SP140L: variants seen among roughly 807,000 people sequenced by gnomAD.
SP140L encodes the protein SP140 like nuclear body protein.
In SP140L, 64 loss-of-function variants were observed where a neutral mutation model predicts 84.3. That is an observed-to-expected ratio of 0.76 (90% confidence interval 0.62 to 0.94). SP140L has a LOEUF of 0.94. Among genes scored for constraint, SP140L ranks in the 40% least tolerant of loss-of-function variants. SP140L has a pLI of 0.00. For missense variants in SP140L, 628 were observed against 692.5 expected (o/e 0.91, Z 1.05); for synonymous variants, 242 against 236.9 (o/e 1.02, Z -0.20).
At chr2:230,397,121 G>A (rs1299845276) in intron 14 of SP140L, among the ~76,000 whole-genome samples, 1 of 152,214 alleles carries the variant, frequency 6.6e-6, no homozygotes, top group Admixed American at 6.5e-5. Flanking sequence ...TAATGGATAG[G>A]GCTGGCCTGG....
chr2:230,394,862 G>T (rs2061978983), intron 13 of SP140L, among the ~76,000 whole-genome samples: 1 of 152,194 alleles, frequency 6.6e-6, no homozygotes, highest in Admixed American at 6.5e-5. Flanking sequence ...ACATGATAAT[G>T]TCTCTGCTCA....
chr2:230,337,634 C>T (rs909530585), intron 2 of SP140L, among the ~76,000 whole-genome samples: 2 of 152,160 alleles, frequency 1.3e-5, no homozygotes, highest in African/African-American at 2.4e-5. Flanking sequence ...TTAGGTCTAA[C>T]ATGTAAGTCT....
At chr2:230,393,880 T>A (rs1295621788) in intron 13 of SP140L, among the ~76,000 whole-genome samples, 4 of 152,226 alleles carry the variant, frequency 2.6e-5, no homozygotes, top group Non-Finnish European at 5.9e-5. Flanking sequence ...TTTTGTGAAA[T>A]TGATAGAGCA....
Position 230,361,659 on chromosome 2 carries a change from G to A in SP140L, c.485G>A (p.Arg162Lys), listed in dbSNP as rs867391359. The change falls in exon 5 of 19, where the codon AGG becomes AAG. Residue 162 changes from arginine to lysine, a missense_variant. Coordinates refer to ENST00000415673, the MANE Select transcript of SP140L (RefSeq NM_138402.6). ...TTCCAAGAAAGTGATCGAAAAGAAA[G>A]GGAAGAGAGGCCTGACATCAAACTA... ...LSFQESDRKE[R>K]EERPDIKLSL... The A allele has an allele frequency of 1.3e-6, 2 of 1,563,370 alleles. No individual in the cohort carries two copies. The highest frequency in any genetic ancestry group is 1.7e-6 in the Non-Finnish European group (2 of 1,152,738).
At chr2:230,396,999 T>A (rs2062080782) in intron 14 of SP140L, among the ~76,000 whole-genome samples, 1 of 152,322 alleles carries the variant, frequency 6.6e-6, no homozygotes, top group Admixed American at 6.5e-5. Context: ...ACTCTTTCCA[T>A]CTGTTTCAGT....
chr2:230,372,154 C>T, intron 7 of SP140L: 1 of 157,602 alleles, frequency 6.3e-6, no homozygotes, highest in Non-Finnish European at 1.4e-5. Flanking sequence ...CCGTGTCACA[C>T]TTCTCACTGA....
intron 8 of SP140L, 34 bp downstream of exon 8, chr2:230,383,609 G>A (rs55793821): frequency 6.3e-7 from 1 of 1,579,004 alleles, no homozygotes. Flanking sequence ...TACAGCTTTT[G>A]AGTTTATTAA....
chr2:230,397,080 C>T (rs2062084542), intron 14 of SP140L, among the ~76,000 whole-genome samples: 2 of 152,186 alleles, frequency 1.3e-5, no homozygotes, highest in Admixed American at 1.3e-4. Context: ...CTCTAGACCA[C>T]TGAGGTCTCT....
At chr2:230,393,380 G>T in intron 12 of SP140L, 34 bp from the exon 13 acceptor site, 1 of 1,565,348 alleles carries the variant, frequency 6.4e-7, no homozygotes. Flanking sequence ...AGAAACGCAG[G>T]CTGACTATGT....
chr2:230,385,003 G>C (rs1374684431), intron 8 of SP140L, among the ~76,000 whole-genome samples: 1 of 152,202 alleles, frequency 6.6e-6, no homozygotes, highest in African/African-American at 2.4e-5. Flanking sequence ...TTTCATTTAA[G>C]TCTGTGTGTA....
chr2:230,333,877 C>T (rs962938171), intron 2 of SP140L, among the ~76,000 whole-genome samples: 1 of 151,902 alleles, frequency 6.6e-6, no homozygotes, highest in African/African-American at 2.4e-5. Flanking sequence ...TTTTTAATTT[C>T]CAAAAGCCCT....
At chr2:230,357,577 C>G (rs2060585425) in intron 2 of SP140L, among the ~76,000 whole-genome samples, 2 of 152,158 alleles carry the variant, frequency 1.3e-5, no homozygotes, top group Admixed American at 1.3e-4. Context: ...TCAGTTTAGA[C>G]TGGGCTTTTT....
chr2:230,370,928 G>T lies in SP140L; in HGVS notation c.544G>T (p.Glu182Ter), dbSNP rs202033634. 1 of 1,613,756 alleles carries T rather than the reference G, an allele frequency of 6.2e-7. No homozygotes were observed. Among genetic ancestry groups the T allele is most frequent in the Non-Finnish European group, 8.5e-7 (1 of 1,179,782 alleles). ...CTCAGGAGAAGTGCCAGAAAGCCCG[G>T]AAGCAAGGAAGGAAAGTGACCAAGC... is the stretch of plus-strand genomic sequence containing the variant. ...LKQGEVPESP[E>*]ARKESDQACG... Residue 182 changes from glutamate (E) to a stop codon, truncating the protein, a stop_gained, in exon 6 of 19, where the codon GAA becomes TAA. Coordinates refer to ENST00000415673, the MANE Select transcript of SP140L (RefSeq NM_138402.6). LOFTEE classifies it high-confidence loss of function.
rs2059923852 is a variant in SP140L at position 230,337,868 on chromosome 2, A to G, written c.107+9037A>G. On this transcript the variant is annotated intron_variant, in intron 2 of 18. Coordinates refer to ENST00000415673, the MANE Select transcript of SP140L (RefSeq NM_138402.6). ...CGTTGATCTATATCTCCGTTTTGGT[A>G]CCAGTACCATGCTGTTTTGGTTACT... Among the ~76,000 whole-genome samples, 3 of 152,080 alleles carry G rather than the reference A, an allele frequency of 2.0e-5. No individual in the cohort carries two copies. The South Asian group carries it at 6.2e-4, about 32-fold the overall frequency.
At chr2:230,400,602 C>T (rs1024499034) in intron 15 of SP140L, 8 of 494,176 alleles carry the variant, frequency 1.6e-5, no homozygotes, top group African/African-American at 7.8e-5. Flanking sequence ...ACAGGAAGCA[C>T]GGTCTTAGGC....
chr2:230,399,852 A>G, intron 14 of SP140L: 1 of 311,096 alleles, frequency 3.2e-6, no homozygotes, highest in Non-Finnish European at 6.1e-6. Flanking sequence ...CTATAAGATC[A>G]TCCTCTTGCT....
intron 2 of SP140L, among the ~76,000 whole-genome samples, chr2:230,351,187 T>C (rs1414850160): frequency 6.6e-6 from 1 of 152,218 alleles, no homozygotes; most frequent in Non-Finnish European, 1.5e-5. Context: ...ATTTAGCGGA[T>C]GTTGCCAAAT....
chr2:230,345,333 T>A (rs1485412595), intron 2 of SP140L, among the ~76,000 whole-genome samples: 1 of 152,332 alleles, frequency 6.6e-6, no homozygotes, highest in South Asian at 2.1e-4. Context: ...TTTCGTTTGG[T>A]CACTTTTTGC....
rs1346190017 is a variant in SP140L, at chr2:230,401,453, A to G, written c.1500+10A>G. On this transcript the variant is annotated intron_variant, in intron 17 of 18. Transcript: ENST00000415673. The stretch of plus-strand genomic sequence containing the variant: ...TCCATACTATTATTATGTAAGTAAC[A>G]ACAGCAACCCATGATTACAGGCTGC... The G allele has an allele frequency of 6.8e-7, 1 of 1,469,640 alleles. No homozygotes were observed. The highest frequency in any genetic ancestry group is 1.9e-5 in the Admixed American group (1 of 52,412). 91.0% of individuals were successfully genotyped at this position (1,469,640 alleles called of 1,614,324 possible). A position where few individuals can be genotyped will look rare whatever the true frequency, so the allele number is the denominator to read the frequency against.
Sources: allele counts gnomAD v4.1 joint callset (sites outside exome capture counted in the v4.1 genomes callset), GRCh38; gene constraint gnomAD v4.1.1; transcripts MANE v1.5; gene names NCBI Gene and HGNC (gene_info 2026-07-23, HGNC 2026-07-21).